Variants in DNAI3 observed in about 807,000 individuals in gnomAD.
DNAI3 encodes WD repeat domain 63.
DNAI3 carries 83 observed loss-of-function variants against 115.5 expected under a neutral mutation model. The ratio of observed to expected loss-of-function variants is 0.72; its 90% CI spans 0.60 to 0.86. The LOEUF is 0.86. Ranked by LOEUF, DNAI3 falls within the 40% of genes least tolerant of loss-of-function variation. The pLI is 0.00. For synonymous variants in DNAI3, 320 were observed against 347.0 expected (o/e 0.92, Z 0.86); for missense variants, 1,004 against 1,075.8 (o/e 0.93, Z 0.93).
At chr1:85,066,391 C>T (rs1428252970) in intron 1 of DNAI3, among the ~76,000 whole-genome samples, 2 of 142,192 alleles carry the variant, frequency 1.4e-5, no homozygotes, top group Non-Finnish European at 3.0e-5. Flanking sequence ...GGCATGACCT[C>T]GGCTCACTGC....
At chr1:85,109,851 AG>A (rs1436944726) in intron 15 of DNAI3, among the ~76,000 whole-genome samples, 196 bp from the exon 16 acceptor site, 2 of 152,138 alleles carry the variant, frequency 1.3e-5, no homozygotes, top group Non-Finnish European at 2.9e-5. Context: ...TCCTTTCTGT[AG>A]CTGGGTTTAG....
intron 14 of DNAI3, among the ~76,000 whole-genome samples, chr1:85,107,137 A>G (rs1655511644): frequency 6.6e-6 from 1 of 152,222 alleles, no homozygotes; most frequent in African/African-American, 2.4e-5. Flanking sequence ...CACATTGCTG[A>G]TAGAATGTAA....
chr1:85,117,925 C>G, intron 17 of DNAI3, 66 bp downstream of exon 17: 1 of 1,541,000 alleles, frequency 6.5e-7, no homozygotes, highest in Admixed American at 1.7e-5. Context: ...ATTACAATAT[C>G]TACTGTACAT....
chr1:85,096,279 C>A (rs1655121897), intron 11 of DNAI3, among the ~76,000 whole-genome samples: 1 of 152,034 alleles, frequency 6.6e-6, no homozygotes, highest in South Asian at 2.1e-4. Context: ...TGGGACTGAA[C>A]CACATATTGT....
chr1:85,080,757 G>T (rs1654612446), intron 3 of DNAI3, among the ~76,000 whole-genome samples: 1 of 152,158 alleles, frequency 6.6e-6, no homozygotes, highest in Non-Finnish European at 1.5e-5. Flanking sequence ...CTAGATATTT[G>T]TTTGTAGGAT....
At chr1:85,071,194 G>T (rs1199707921) in intron 1 of DNAI3, among the ~76,000 whole-genome samples, 1 of 152,156 alleles carries the variant, frequency 6.6e-6, no homozygotes, top group Non-Finnish European at 1.5e-5. Flanking sequence ...TTTGCCCAAG[G>T]TTACTCAGCT....
At chr1:85,121,949 G>T in intron 18 of DNAI3, 135 bp downstream of exon 18, 1 of 812,772 alleles carries the variant, frequency 1.2e-6, no homozygotes, top group South Asian at 2.0e-5. Flanking sequence ...GACTAATAAA[G>T]TGAAGGCCTT....
chr1:85,123,982 A>G, intron 18 of DNAI3, 139 bp from the exon 19 acceptor site: 1 of 1,038,230 alleles, frequency 9.6e-7, no homozygotes, highest in Non-Finnish European at 1.4e-6. Context: ...AGATCTATTC[A>G]TCCCAGCTAG....
chr1:85,110,767 A>C (rs1207154301), intron 16 of DNAI3, among the ~76,000 whole-genome samples: 1 of 152,196 alleles, frequency 6.6e-6, no homozygotes, highest in Non-Finnish European at 1.5e-5. Context: ...CTCAAAGAAT[A>C]ATGCTATAGG....
chr1:85,105,656 A>G (rs1655467600), intron 14 of DNAI3, among the ~76,000 whole-genome samples: 1 of 152,148 alleles, frequency 6.6e-6, no homozygotes, highest in Non-Finnish European at 1.5e-5. Context: ...TGAATGTCCT[A>G]TATTGTAGCT....
rs138142531 is a variant in DNAI3 at position 85,108,492 on chromosome 1, T to G, written c.1698+315T>G. On this transcript the variant is annotated intron_variant, in intron 15 of 22. Transcript: ENST00000294664. ...AGCTGACAATGAAGAAGTATATGGT[T>G]GCTGATGTAGCTGATGTTTGCAATA... 8.7e-3 allele frequency among the ~76,000 whole-genome samples: 1,318 copies of G among 152,322 alleles called. 20 individuals are homozygous for G. Among genetic ancestry groups the G allele is most frequent in the African/African-American group, 0.03 (1,242 of 41,572 alleles).
chr1:85,086,915 G>A (rs78010002), intron 7 of DNAI3, among the ~76,000 whole-genome samples: 1 of 151,750 alleles, frequency 6.6e-6, no homozygotes, highest in East Asian at 1.9e-4. Flanking sequence ...AACCTACAAG[G>A]CTTCATATGA....
intron 16 of DNAI3, among the ~76,000 whole-genome samples, chr1:85,112,466 G>T (rs1197592781): frequency 6.6e-6 from 1 of 152,148 alleles, no homozygotes; most frequent in Non-Finnish European, 1.5e-5. Context: ...GGAATAGAAT[G>T]GTTGTATTAT....
Position 85,097,580 on chromosome 1 carries a change from G to A in DNAI3, c.1275G>A (p.Trp425Ter). 6 of 1,610,036 alleles carry A rather than the reference G, an allele frequency of 3.7e-6. No homozygotes were observed. Among genetic ancestry groups the A allele is most frequent in the Non-Finnish European group, 5.1e-6 (6 of 1,178,684 alleles). ...GGCINGQIVM[W>*]DITAHADRIE... ...TATTTCCATTTTAGATTGTCATGTG[G>A]GATATCACCGCACATGCAGATCGCA... The change falls in exon 12 of 23, where the codon TGG becomes TGA. Residue 425 changes from tryptophan to a stop codon, truncating the protein, a stop_gained. Coordinates refer to ENST00000294664, the MANE Select transcript of DNAI3 (RefSeq NM_145172.5). LOFTEE classifies it high-confidence loss of function.
At chr1:85,091,735 C>CTA (rs1654981468) in intron 8 of DNAI3, among the ~76,000 whole-genome samples, 1 of 152,148 alleles carries the variant, frequency 6.6e-6, no homozygotes, top group African/African-American at 2.4e-5. Flanking sequence ...CACAAAACAA[C>CTA]TAAGAAACCT....
intron 12 of DNAI3, 75 bp from the exon 13 acceptor site, chr1:85,098,455 A>G (rs817489): frequency 0.57 from 868,048 of 1,529,328 alleles, 247,400 homozygotes; most frequent in African/African-American, 0.67. Flanking sequence ...ATTTTAATTG[A>G]GATGATGAGT....
chr1:85,120,236 G>T (rs1215670768), intron 17 of DNAI3, among the ~76,000 whole-genome samples: 1 of 152,236 alleles, frequency 6.6e-6, no homozygotes, highest in Non-Finnish European at 1.5e-5. Context: ...ATCTACTTTG[G>T]ATAGAGATGT....
At chr1:85,128,123 CTCAA>C (rs1656201889) in intron 20 of DNAI3, among the ~76,000 whole-genome samples, 1 of 39,498 alleles carries the variant, frequency 2.5e-5, no homozygotes, top group African/African-American at 1.1e-4. Context: ...GAGACCCTGT[CTCAA>C]AAAAAAAAAA....
intron 17 of DNAI3, among the ~76,000 whole-genome samples, chr1:85,119,349 C>A (rs1430748519): frequency 6.6e-6 from 1 of 152,204 alleles, no homozygotes; most frequent in African/African-American, 2.4e-5. Context: ...CCTTTCTTTC[C>A]CTACCCACTT....
Sources: gnomAD v4.1 joint callset for allele counts (sites outside exome capture counted in the v4.1 genomes callset) on GRCh38, gnomAD v4.1.1 for gene constraint, MANE v1.5 for transcripts, NCBI Gene and HGNC (gene_info 2026-07-23, HGNC 2026-07-21) for gene names.